IKZF2: variants seen among roughly 807,000 people sequenced by gnomAD.
IKZF2 encodes IKAROS family zinc finger 2, also known as zinc finger protein Helios.
IKZF2 carries 15 observed loss-of-function variants against 49.2 expected under a neutral mutation model. The observed-to-expected ratio is 0.30, with a 90% CI of 0.20 to 0.47. IKZF2 has a LOEUF of 0.47. Ranked by LOEUF, IKZF2 falls within the 20% of genes least tolerant of loss-of-function variation. IKZF2 has a pLI of 1.00. For missense variants in IKZF2, 567 were observed against 664.6 expected (o/e 0.85, Z 1.61); for synonymous variants, 227 against 221.4 (o/e 1.03, Z -0.23).
chr2:213,126,170 T>G (rs1375161525), intron 4 of IKZF2, among the ~76,000 whole-genome samples: 2 of 152,112 alleles, frequency 1.3e-5, no homozygotes, highest in Admixed American at 1.3e-4. Context: ...TGGGATGAAG[T>G]TTATCACCCA....
At chr2:213,122,670 C>G (rs1306571145) in intron 4 of IKZF2, among the ~76,000 whole-genome samples, 1 of 152,202 alleles carries the variant, frequency 6.6e-6, no homozygotes, top group African/African-American at 2.4e-5. Context: ...ATTAAATGGG[C>G]TAACATAGCT....
chr2:213,129,311 G>A (rs2060388058), intron 4 of IKZF2, among the ~76,000 whole-genome samples: 1 of 147,166 alleles, frequency 6.8e-6, no homozygotes, highest in Admixed American at 6.9e-5. Flanking sequence ...GCCTGGAGAG[G>A]GGCTTATTTA....
At chr2:213,137,755 T>C (rs138071864) in intron 4 of IKZF2, among the ~76,000 whole-genome samples, 1 of 152,218 alleles carries the variant, frequency 6.6e-6, no homozygotes, top group African/African-American at 2.4e-5. Context: ...CAAGGATATT[T>C]ATGAAAATGG....
At chr2:213,111,223 C>A (rs1338543341) in intron 4 of IKZF2, among the ~76,000 whole-genome samples, 1 of 151,958 alleles carries the variant, frequency 6.6e-6, no homozygotes. Flanking sequence ...ACATTTTCTT[C>A]TATTACTTAT....
chr2:213,083,472 C>A (rs973394999), intron 4 of IKZF2, among the ~76,000 whole-genome samples: 1 of 147,004 alleles, frequency 6.8e-6, no homozygotes, highest in African/African-American at 2.6e-5. Flanking sequence ...CTCACCACAA[C>A]CTCTGCCTCC....
chr2:213,013,216 TG>T (rs1366097713), intron 8 of IKZF2, among the ~76,000 whole-genome samples: 1 of 151,936 alleles, frequency 6.6e-6, no homozygotes, highest in Non-Finnish European at 1.5e-5. Flanking sequence ...TGCAGAATTT[TG>T]AAAAAAAGAA....
At chr2:213,079,317 T>C (rs1703638675) in intron 4 of IKZF2, among the ~76,000 whole-genome samples, 1 of 151,780 alleles carries the variant, frequency 6.6e-6, no homozygotes, top group Non-Finnish European at 1.5e-5. Flanking sequence ...AGTTCAAGGC[T>C]GGAGTAAGCC....
At chr2:213,097,225 A>G (rs556593202) in intron 4 of IKZF2, among the ~76,000 whole-genome samples, 40 of 152,108 alleles carry the variant, frequency 2.6e-4, no homozygotes, top group African/African-American at 9.1e-4. Context: ...AAAATATGCA[A>G]TAGTTGGAAA....
At chr2:213,114,380 G>GT (rs1265106066) in intron 4 of IKZF2, among the ~76,000 whole-genome samples, 1 of 152,086 alleles carries the variant, frequency 6.6e-6, no homozygotes, top group Non-Finnish European at 1.5e-5. Context: ...AAAAGACCAA[G>GT]TTTTTTCTTC....
intron 7 of IKZF2, among the ~76,000 whole-genome samples, chr2:213,018,833 T>C (rs1696886629): frequency 6.6e-6 from 1 of 152,160 alleles, no homozygotes; most frequent in African/African-American, 2.4e-5. Flanking sequence ...GCCTGATATA[T>C]GCAATTTTTA....
intron 5 of IKZF2, chr2:213,056,557 C>T (rs1168946095): frequency 3.7e-6 from 2 of 540,496 alleles, no homozygotes; most frequent in Non-Finnish European, 6.6e-6. Context: ...CAATGAAATT[C>T]TCCTATACCT....
At chr2:213,126,583 T>C (rs2060266747) in intron 4 of IKZF2, among the ~76,000 whole-genome samples, 1 of 152,148 alleles carries the variant, frequency 6.6e-6, no homozygotes, top group Admixed American at 6.6e-5. Context: ...AAATAATTTG[T>C]AATTATTAAA....
intron 4 of IKZF2, among the ~76,000 whole-genome samples, chr2:213,084,672 T>C (rs998779494): frequency 2.0e-5 from 3 of 151,872 alleles, no homozygotes; most frequent in African/African-American, 2.4e-5. Flanking sequence ...TAAGTCCCAA[T>C]ATCAGGTGAT....
chr2:213,119,060 T>C (rs938057044), intron 4 of IKZF2, among the ~76,000 whole-genome samples: 2 of 152,160 alleles, frequency 1.3e-5, no homozygotes, highest in Non-Finnish European at 2.9e-5. Context: ...GGGGAAAGGG[T>C]TCCTAGTGTC....
intron 4 of IKZF2, among the ~76,000 whole-genome samples, chr2:213,072,674 C>T (rs1229442623): frequency 6.6e-6 from 1 of 152,046 alleles, no homozygotes; most frequent in Non-Finnish European, 1.5e-5. Context: ...ATTTGTTTCC[C>T]CATTTATAGG....
chr2:213,141,336 C>T (rs952891847), intron 4 of IKZF2, among the ~76,000 whole-genome samples: 5 of 151,884 alleles, frequency 3.3e-5, no homozygotes, highest in East Asian at 1.9e-4. Context: ...GTAATCAAAT[C>T]GATCCATGTC....
intron 6 of IKZF2, among the ~76,000 whole-genome samples, chr2:213,041,121 A>C (rs1011520217): frequency 6.6e-6 from 1 of 150,520 alleles, no homozygotes; most frequent in Non-Finnish European, 1.5e-5. Context: ...CTGTCTCAGA[A>C]AAAAAAAAAA....
intron 4 of IKZF2, among the ~76,000 whole-genome samples, chr2:213,144,370 A>G (rs540904085): frequency 6.6e-6 from 1 of 152,112 alleles, no homozygotes. Context: ...TTATAAAAAA[A>G]TAGATAAGAA....
intron 4 of IKZF2, among the ~76,000 whole-genome samples, chr2:213,110,886 G>C (rs982788557): frequency 7.2e-5 from 11 of 152,106 alleles, no homozygotes; most frequent in African/African-American, 2.6e-4. Flanking sequence ...TTTGGGTGAA[G>C]TTAAGAAAAA....
Sources: gnomAD v4.1 joint callset for allele counts (sites outside exome capture counted in the v4.1 genomes callset) on GRCh38, gnomAD v4.1.1 for gene constraint, MANE v1.5 for transcripts, NCBI Gene and HGNC (gene_info 2026-07-23, HGNC 2026-07-21) for gene names.